PCSK5: variants seen among roughly 807,000 people sequenced by gnomAD.
PCSK5 encodes the protein prohormone convertase 5.
PCSK5 carries 129 observed loss-of-function variants against 233.2 expected under a neutral mutation model. The ratio of observed to expected loss-of-function variants is 0.55; its 90% CI spans 0.48 to 0.64. The LOEUF is 0.64. Ranked by LOEUF, PCSK5 falls within the 30% of genes least tolerant of loss-of-function variation. PCSK5 has a pLI of 0.00. For missense variants in PCSK5, 2,076 were observed against 2,430.1 expected (o/e 0.85, Z 3.06); for synonymous variants, 825 against 879.2 (o/e 0.94, Z 1.09).
chr9:76,320,462 T>A (rs1587323551), intron 30 of PCSK5, among the ~76,000 whole-genome samples: 1 of 124,652 alleles, frequency 8.0e-6, no homozygotes, highest in Admixed American at 7.8e-5. Context: ...AAGTACATTG[T>A]AGCTTTTTTT....
chr9:76,160,239 T>C (rs992135040), intron 12 of PCSK5, among the ~76,000 whole-genome samples: 63 of 152,170 alleles, frequency 4.1e-4, no homozygotes, highest in African/African-American at 1.5e-3. Flanking sequence ...CAGGCCAAGA[T>C]CCTGCTGAGA....
At chr9:76,226,518 C>T (rs1825897237) in intron 20 of PCSK5, among the ~76,000 whole-genome samples, 1 of 152,148 alleles carries the variant, frequency 6.6e-6, no homozygotes, top group Admixed American at 6.5e-5. Context: ...TGCTATCTCA[C>T]CCCACCAGCT....
At chr9:76,009,119 C>T (rs892607310) in intron 3 of PCSK5, among the ~76,000 whole-genome samples, 1 of 151,910 alleles carries the variant, frequency 6.6e-6, no homozygotes, top group Non-Finnish European at 1.5e-5. Flanking sequence ...TAGAATGATA[C>T]CTGGGATGGT....
intron 9 of PCSK5, among the ~76,000 whole-genome samples, chr9:76,108,940 G>A (rs1832093504): frequency 6.6e-6 from 1 of 152,198 alleles, no homozygotes; most frequent in Admixed American, 6.5e-5. Flanking sequence ...TCTGGATATG[G>A]TGCCCTGTCT....
At chr9:76,047,340 C>T (rs575975942) in intron 5 of PCSK5, among the ~76,000 whole-genome samples, 2 of 152,206 alleles carry the variant, frequency 1.3e-5, no homozygotes, top group East Asian at 1.9e-4. Context: ...TTGTGATCCG[C>T]GCGCCTCGGC....
At chr9:75,920,795 G>A (rs549024887) in intron 1 of PCSK5, among the ~76,000 whole-genome samples, 77 of 151,948 alleles carry the variant, frequency 5.1e-4, no homozygotes, top group Non-Finnish European at 1.0e-3. Flanking sequence ...GACAGAGTAA[G>A]ACTCTGCCTC....
intron 20 of PCSK5, among the ~76,000 whole-genome samples, chr9:76,196,814 A>C (rs1824723217): frequency 6.6e-6 from 1 of 152,218 alleles, no homozygotes; most frequent in Admixed American, 6.5e-5. Context: ...CACATGAGAA[A>C]ACTGGGCCAC....
intron 9 of PCSK5, among the ~76,000 whole-genome samples, chr9:76,113,800 A>G (rs1233606362): frequency 2.0e-5 from 3 of 152,170 alleles, no homozygotes; most frequent in Middle Eastern, 3.2e-3. Context: ...ACATTTTAGT[A>G]TAAAATGTCT....
chr9:76,015,233 T>C (rs1827900047), intron 3 of PCSK5, among the ~76,000 whole-genome samples: 1 of 152,244 alleles, frequency 6.6e-6, no homozygotes, highest in South Asian at 2.1e-4. Context: ...TCACTCTTCC[T>C]CTGACTTTTT....
intron 9 of PCSK5, among the ~76,000 whole-genome samples, chr9:76,109,413 A>G (rs549178935): frequency 2.6e-4 from 38 of 144,648 alleles, no homozygotes; most frequent in African/African-American, 6.5e-4. Context: ...GCTCTTTGAG[A>G]TATTACTGTA....
intron 5 of PCSK5, among the ~76,000 whole-genome samples, chr9:76,036,663 G>A (rs1266110544): frequency 6.6e-6 from 1 of 152,224 alleles, no homozygotes; most frequent in East Asian, 1.9e-4. Flanking sequence ...TCTGCATGTT[G>A]TCTCATTTAC....
At chr9:76,274,780 A>T (rs576045960) in intron 24 of PCSK5, among the ~76,000 whole-genome samples, 1 of 152,338 alleles carries the variant, frequency 6.6e-6, no homozygotes, top group East Asian at 1.9e-4. Flanking sequence ...CTATAAAAGA[A>T]TACCTGAGGC....
intron 9 of PCSK5, among the ~76,000 whole-genome samples, chr9:76,108,317 A>G (rs973824363): frequency 6.6e-6 from 1 of 152,226 alleles, no homozygotes; most frequent in Non-Finnish European, 1.5e-5. Context: ...AACTAATGAT[A>G]TAAGCGATTT....
chr9:76,180,928 CAT>C (rs1823842467), intron 15 of PCSK5, among the ~76,000 whole-genome samples: 1 of 149,832 alleles, frequency 6.7e-6, no homozygotes, highest in Non-Finnish European at 1.5e-5. Context: ...TCATATACAA[CAT>C]AAATTTAAAT....
At chr9:76,256,640 T>G (rs1407226589) in intron 24 of PCSK5, among the ~76,000 whole-genome samples, 1 of 152,178 alleles carries the variant, frequency 6.6e-6, no homozygotes, top group African/African-American at 2.4e-5. Flanking sequence ...TAGTGAAATA[T>G]CTTCGATTTT....
chr9:76,175,278 AATCG>A, intron 14 of PCSK5, 149 bp downstream of exon 14: 1 of 618,182 alleles, frequency 1.6e-6, no homozygotes, highest in East Asian at 2.8e-5. Context: ...AATGGAATCG[AATCG>A]AATCGAATCG....
At chr9:75,920,716 G>C (rs936848887) in intron 1 of PCSK5, among the ~76,000 whole-genome samples, 16 of 152,096 alleles carry the variant, frequency 1.1e-4, no homozygotes, top group African/African-American at 3.9e-4. Flanking sequence ...TGAGGCACAA[G>C]AATCACTTGA....
chr9:76,196,181 T>C (rs1336891759), intron 20 of PCSK5, among the ~76,000 whole-genome samples: 2 of 152,224 alleles, frequency 1.3e-5, no homozygotes, highest in African/African-American at 2.4e-5. Flanking sequence ...TCTATCAGAT[T>C]GTACAGACGC....
chr9:76,014,783 C>A (rs1259934173), intron 3 of PCSK5, among the ~76,000 whole-genome samples: 1 of 152,222 alleles, frequency 6.6e-6, no homozygotes, highest in Non-Finnish European at 1.5e-5. Flanking sequence ...GTGAAGGCTT[C>A]ATTCCCTGCA....
Sources: allele counts gnomAD v4.1 joint callset (sites outside exome capture counted in the v4.1 genomes callset), GRCh38; gene constraint gnomAD v4.1.1; transcripts MANE v1.5; gene names NCBI Gene and HGNC (gene_info 2026-07-23, HGNC 2026-07-21).